CMSS1: variants seen among roughly 807,000 people sequenced by gnomAD.
CMSS1 encodes the protein protein CMSS1.
In CMSS1, 33 loss-of-function variants were observed where a neutral mutation model predicts 43.5. The ratio of observed to expected loss-of-function variants is 0.76; its 90% confidence interval spans 0.57 to 1.01. The LOEUF (loss-of-function observed/expected upper bound fraction) is 1.01, where lower values mean the gene tolerates loss of function less well. Ranked by LOEUF, CMSS1 falls within the 50% of genes least tolerant of loss-of-function variation. The pLI is 0.00. For synonymous variants in CMSS1, 115 were observed against 117.2 expected (o/e 0.98, Z 0.12); for missense variants, 313 against 326.4 (o/e 0.96, Z 0.32).
intron 1 of CMSS1, among the ~76,000 whole-genome samples, chr3:99,871,318 T>C (rs75670168): frequency 8.5e-5 from 13 of 152,170 alleles, no homozygotes; most frequent in Non-Finnish European, 1.6e-4. Context: ...ACTTTTTTTT[T>C]GTATCAAATA....
At chr3:99,881,812 C>T (rs1705739209) in intron 1 of CMSS1, among the ~76,000 whole-genome samples, 1 of 152,158 alleles carries the variant, frequency 6.6e-6, no homozygotes, top group Non-Finnish European at 1.5e-5. Flanking sequence ...GGATTATAGG[C>T]GTGAGCCACC....
chr3:99,878,833 A>G (rs957977205), intron 1 of CMSS1, among the ~76,000 whole-genome samples: 2 of 152,256 alleles, frequency 1.3e-5, no homozygotes, highest in Non-Finnish European at 2.9e-5. Flanking sequence ...ATTGTGCGCC[A>G]TTGGCCACAT....
At chr3:99,973,846 T>C (rs188888509) in intron 1 of CMSS1, among the ~76,000 whole-genome samples, 91 of 152,286 alleles carry the variant, frequency 6.0e-4, no homozygotes, top group African/African-American at 2.2e-3. Flanking sequence ...TTGTTGGTGG[T>C]GGGTGGAGGG....
intron 8 of CMSS1, 46 bp downstream of exon 8, chr3:100,172,449 G>C (rs767189655): frequency 7.0e-7 from 1 of 1,429,862 alleles, no homozygotes; most frequent in Non-Finnish European, 9.8e-7. Flanking sequence ...CTGGGAGTTT[G>C]CCTTACCTAC....
chr3:100,049,134 G>GT (rs2065327495), intron 1 of CMSS1, among the ~76,000 whole-genome samples: 1 of 152,176 alleles, frequency 6.6e-6, no homozygotes, highest in African/African-American at 2.4e-5. Context: ...CTCTTTCCTT[G>GT]TTTTTTCTTT....
At chr3:99,934,913 A>T (rs914156343) in intron 1 of CMSS1, among the ~76,000 whole-genome samples, 2 of 152,256 alleles carry the variant, frequency 1.3e-5, no homozygotes, top group Admixed American at 1.3e-4. Context: ...GGATAGTAGC[A>T]TCAACATTCT....
Position 99,913,635 on chromosome 3 carries a change from G to A in CMSS1, c.64+95592G>A, listed in dbSNP as rs1416661516. ...AAGTATTGTATGATCTTCATGAATT[G>A]CTGATATATGCTTGTAATAATCTTT... On this transcript the variant is annotated intron_variant, in intron 1 of 9. Transcript: ENST00000421999. Among the ~76,000 whole-genome samples, 5 of 152,270 alleles carry A rather than the reference G, an allele frequency of 3.3e-5. No homozygotes were observed. In the East Asian group the frequency reaches 9.6e-4, roughly 29 times the overall value.
At chr3:100,059,397 A>G (rs2065520747) in intron 1 of CMSS1, among the ~76,000 whole-genome samples, 1 of 152,202 alleles carries the variant, frequency 6.6e-6, no homozygotes, top group Non-Finnish European at 1.5e-5. Flanking sequence ...TTTTAGCCTC[A>G]TCTCCGTGAT....
At chr3:99,835,325 A>G (rs1270957263) in intron 1 of CMSS1, among the ~76,000 whole-genome samples, 2 of 152,170 alleles carry the variant, frequency 1.3e-5, no homozygotes, top group Non-Finnish European at 2.9e-5. Flanking sequence ...CAGAGACATT[A>G]TCTGTTCTTT....
At chr3:100,146,836 A>T in intron 1 of CMSS1, 137 bp from the exon 2 acceptor site, 1 of 1,098,488 alleles carries the variant, frequency 9.1e-7, no homozygotes, top group Non-Finnish European at 1.3e-6. Flanking sequence ...TTTACTTTGG[A>T]CCATTTCCTT....
chr3:99,952,991 A>C (rs1021919219), intron 1 of CMSS1, among the ~76,000 whole-genome samples: 1 of 152,170 alleles, frequency 6.6e-6, no homozygotes, highest in Non-Finnish European at 1.5e-5. Flanking sequence ...CACTGAACTG[A>C]GTGGTCTCTG....
chr3:99,895,500 T>C (rs1321805682), intron 1 of CMSS1, among the ~76,000 whole-genome samples: 1 of 152,186 alleles, frequency 6.6e-6, no homozygotes, highest in African/African-American at 2.4e-5. Flanking sequence ...TGATCTCCTT[T>C]TGCAGAAGAG....
rs568021962 is a variant in CMSS1, at chr3:100,181,167, A to C, written c.*2779A>C. 6.6e-6 allele frequency: 1 copy of C among 152,260 alleles called. No homozygotes were observed. The highest frequency in any genetic ancestry group is 1.5e-5 in the Non-Finnish European group (1 of 68,048). 9.4% of individuals were successfully genotyped at this position (152,260 alleles called of 1,614,324 possible). ...CCAACACTGGGAATTACAATTCGACATGAAACTTGGGTGGGGACACAGCCA... is the reference window on the plus strand; with the variant it reads ...CCAACACTGGGAATTACAATTCGACCTGAAACTTGGGTGGGGACACAGCCA... On this transcript the variant is annotated 3_prime_UTR_variant, in exon 10 of 10. Transcript: ENST00000421999.
At chr3:100,152,775 A>T (rs1281417350) in intron 2 of CMSS1, among the ~76,000 whole-genome samples, 5 of 152,172 alleles carry the variant, frequency 3.3e-5, no homozygotes, top group Admixed American at 2.0e-4. Context: ...ATTTCAGAAA[A>T]CTGTATTGCT....
intron 1 of CMSS1, among the ~76,000 whole-genome samples, chr3:99,891,196 G>A (rs962187785): frequency 4.0e-5 from 6 of 151,766 alleles, no homozygotes; most frequent in African/African-American, 1.2e-4. Context: ...AGTTTTCCTT[G>A]CAGTCCTTTA....
At chr3:100,165,721 T>C (rs1436144250) in intron 4 of CMSS1, among the ~76,000 whole-genome samples, 1 of 152,188 alleles carries the variant, frequency 6.6e-6, no homozygotes, top group Non-Finnish European at 1.5e-5. Context: ...AATATCCTTG[T>C]GTGTGTACCT....
chr3:99,991,975 CATATATGTGTATATATACGTAT>C, intron 1 of CMSS1, among the ~76,000 whole-genome samples: 1 of 146,458 alleles, frequency 6.8e-6, no homozygotes, highest in East Asian at 2.0e-4. Context: ...TATATACACA[CATATATGTGTATATATACGTAT>C]ATATATGTGT....
At chr3:100,000,971 A>G (rs1395951051) in intron 1 of CMSS1, among the ~76,000 whole-genome samples, 1 of 152,240 alleles carries the variant, frequency 6.6e-6, no homozygotes, top group African/African-American at 2.4e-5. Flanking sequence ...TATGTTTTCT[A>G]TAAGATAACC....
At chr3:100,049,171 T>G (rs2065328194) in intron 1 of CMSS1, among the ~76,000 whole-genome samples, 3 of 152,244 alleles carry the variant, frequency 2.0e-5, no homozygotes. Flanking sequence ...TATTTGAAGT[T>G]ATACCTTTGG....
Sources: allele counts gnomAD v4.1 joint callset (sites outside exome capture counted in the v4.1 genomes callset), GRCh38; gene constraint gnomAD v4.1.1; transcripts MANE v1.5; gene names NCBI Gene and HGNC (gene_info 2026-07-23, HGNC 2026-07-21).